Variants in NTM observed in about 807,000 individuals in gnomAD.
The protein encoded by NTM is IgLON family member 2.
Under a neutral mutation model 42.1 loss-of-function variants are expected in NTM, and 13 were observed. That is an observed-to-expected ratio of 0.31 (90% confidence interval 0.20 to 0.49). The LOEUF (loss-of-function observed/expected upper bound fraction) is 0.49. NTM is among the 20% of genes least tolerant of loss of function. NTM has a pLI of 0.99. For synonymous variants in NTM, 187 were observed against 179.2 expected (o/e 1.04, Z -0.35); for missense variants, 373 against 452.8 (o/e 0.82, Z 1.60).
chr11:132,073,410 C>T (rs1270556932), intron 2 of NTM, among the ~76,000 whole-genome samples: 2 of 152,184 alleles, frequency 1.3e-5, no homozygotes, highest in Non-Finnish European at 2.9e-5. Flanking sequence ...CCCAGCAGTG[C>T]ATGATGTTAG....
intron 2 of NTM, among the ~76,000 whole-genome samples, chr11:132,104,265 A>G (rs2061991227): frequency 6.6e-6 from 1 of 152,144 alleles, no homozygotes; most frequent in African/African-American, 2.4e-5. Context: ...CTATGTACCA[A>G]AATATTTACA....
At chr11:131,512,726 C>T (rs187070013) in intron 1 of NTM, among the ~76,000 whole-genome samples, 65 of 152,224 alleles carry the variant, frequency 4.3e-4, no homozygotes, top group African/African-American at 1.5e-3. Context: ...GGCTGGGCCA[C>T]GGGATGCCTG....
At chr11:132,111,801 A>G (rs1458975648) in intron 2 of NTM, among the ~76,000 whole-genome samples, 3 of 152,266 alleles carry the variant, frequency 2.0e-5, no homozygotes, top group African/African-American at 7.2e-5. Context: ...CTTCTAACCA[A>G]TCAACACCAC....
chr11:131,998,806 G>C (rs568298809), intron 2 of NTM, among the ~76,000 whole-genome samples: 1 of 152,242 alleles, frequency 6.6e-6, no homozygotes, highest in African/African-American at 2.4e-5. Context: ...AATGATCGGT[G>C]GGGATGCCAT....
intron 5 of NTM, among the ~76,000 whole-genome samples, chr11:132,308,117 A>G (rs887893680): frequency 3.9e-5 from 6 of 152,196 alleles, no homozygotes; most frequent in Non-Finnish European, 2.9e-5. Flanking sequence ...AATTTTTTAA[A>G]CACGTCTTCA....
At chr11:132,129,231 G>T (rs2066398028) in intron 2 of NTM, among the ~76,000 whole-genome samples, 1 of 152,184 alleles carries the variant, frequency 6.6e-6, no homozygotes, top group South Asian at 2.1e-4. Flanking sequence ...TGCATTTCTG[G>T]AAGAGCAATG....
At chr11:132,054,069 G>T (rs1336331742) in intron 2 of NTM, among the ~76,000 whole-genome samples, 1 of 152,170 alleles carries the variant, frequency 6.6e-6, no homozygotes, top group East Asian at 1.9e-4. Flanking sequence ...TACAAAATTT[G>T]CCAGATGTGG....
rs1225496107 is a variant in NTM, at chr11:131,625,410, G to A, written c.82+254522G>A. On this transcript the variant is annotated intron_variant, in intron 1 of 8. Transcript: ENST00000683400. ...TCAGAGTTAATCAAATCCACAAAAGGCAATCCAGTCGCTTCTTGGGATTAA... is the reference window on the plus strand; with the variant it reads ...TCAGAGTTAATCAAATCCACAAAAGACAATCCAGTCGCTTCTTGGGATTAA... Among the ~76,000 whole-genome samples the A allele has an allele frequency of 2.0e-5, 3 of 152,084 alleles. No homozygotes were observed. In the East Asian group the frequency reaches 5.8e-4, roughly 29 times the overall value.
At chr11:132,320,736 C>G (rs1179394114) in intron 7 of NTM, among the ~76,000 whole-genome samples, 2 of 151,966 alleles carry the variant, frequency 1.3e-5, no homozygotes, top group Non-Finnish European at 2.9e-5. Flanking sequence ...CACAGACAAA[C>G]AAAAAGACAG....
At chr11:131,860,760 T>C (rs1401704163) in intron 1 of NTM, among the ~76,000 whole-genome samples, 1 of 152,190 alleles carries the variant, frequency 6.6e-6, no homozygotes, top group African/African-American at 2.4e-5. Flanking sequence ...CCTGAATTCT[T>C]AGCTACATTT....
chr11:131,634,295 A>C (rs1454403224), intron 1 of NTM, among the ~76,000 whole-genome samples: 3 of 152,182 alleles, frequency 2.0e-5, no homozygotes, highest in Non-Finnish European at 4.4e-5. Flanking sequence ...CTGAAATTGA[A>C]AGTTAACTAT....
At chr11:132,104,937 GTATATATATATATATA>G (rs534897526) in intron 2 of NTM, among the ~76,000 whole-genome samples, 1,823 of 61,820 alleles carry the variant, frequency 0.029, 191 homozygotes, top group East Asian at 0.12. Flanking sequence ...ATATACATAT[GTATATATATATATATA>G]TATATATATA....
At chr11:131,874,258 A>G (rs1163053445) in intron 1 of NTM, among the ~76,000 whole-genome samples, 1 of 151,468 alleles carries the variant, frequency 6.6e-6, no homozygotes, top group Admixed American at 6.6e-5. Flanking sequence ...ACAGTCCAGC[A>G]AGATGTGGAA....
At chr11:131,437,462 G>A (rs757231593) in intron 1 of NTM, among the ~76,000 whole-genome samples, 1 of 152,154 alleles carries the variant, frequency 6.6e-6, no homozygotes, top group South Asian at 2.1e-4. Flanking sequence ...ATGAATCTGA[G>A]TGCTCCTGTG....
At chr11:131,532,383 A>G (rs992846449) in intron 1 of NTM, among the ~76,000 whole-genome samples, 9 of 152,198 alleles carry the variant, frequency 5.9e-5, no homozygotes, top group Non-Finnish European at 8.8e-5. Flanking sequence ...TCTATGTTGT[A>G]GCGGGTATCG....
chr11:131,483,793 G>A (rs1304438757), intron 1 of NTM, among the ~76,000 whole-genome samples: 1 of 152,228 alleles, frequency 6.6e-6, no homozygotes, highest in Non-Finnish European at 1.5e-5. Flanking sequence ...CCAACAAAAG[G>A]GCAGTGGGGG....
At chr11:132,234,392 C>T (rs2088310330) in intron 4 of NTM, among the ~76,000 whole-genome samples, 1 of 152,180 alleles carries the variant, frequency 6.6e-6, no homozygotes, top group South Asian at 2.1e-4. Context: ...CTTATCTCTG[C>T]TGGTTTCAAA....
In NTM at chr11:132,310,138, G is replaced by C. The variant is rs1225554755; in HGVS notation, c.688G>C (p.Gly230Arg). Residue 230 changes from glycine (G) to arginine (R), a missense_variant, in exon 6 of 9, where the codon GGT becomes CGT. Physicochemically the swap from Gly to Arg is moderately radical, Grantham distance 125. Around this residue, in one of 3 missense-constraint regions of NTM, gnomAD observed 312 missense variants for 353.5 expected, o/e 0.88. Coordinates refer to ENST00000683400, the MANE Select transcript of NTM (RefSeq NM_001352005.2). ...TCCACCATACATTTCAGAAGCCAAGGGTACAGGTGTCCCCGTGGGACAAAA... is the reference window on the plus strand; with the variant it reads ...TCCACCATACATTTCAGAAGCCAAGCGTACAGGTGTCCCCGTGGGACAAAA... ...NYPPYISEAKGTGVPVGQKGT... is the reference protein window; with the variant it reads ...NYPPYISEAKRTGVPVGQKGT... The C allele has an allele frequency of 6.2e-7, 1 of 1,608,296 alleles. No individual in the cohort carries two copies. The highest frequency in any genetic ancestry group is 8.5e-7 in the Non-Finnish European group (1 of 1,178,032).
At chr11:132,113,495 G>A (rs2063495267) in intron 2 of NTM, among the ~76,000 whole-genome samples, 1 of 152,140 alleles carries the variant, frequency 6.6e-6, no homozygotes, top group African/African-American at 2.4e-5. Flanking sequence ...GCGTTTGCTT[G>A]CATTAGGATG....
Sources: gnomAD v4.1 joint callset for allele counts (sites outside exome capture counted in the v4.1 genomes callset) on GRCh38, gnomAD v4.1.1 for gene constraint, gnomAD v4.1.1 regional missense constraint, MANE v1.5 for transcripts, NCBI Gene and HGNC (gene_info 2026-07-23, HGNC 2026-07-21) for gene names.